Variants in TG observed in about 807,000 individuals in gnomAD.
TG encodes thyroglobulin.
Under a neutral mutation model 324.7 loss-of-function variants are expected in TG, and 270 were observed. The observed-to-expected ratio is 0.83, with a 90% confidence interval of 0.75 to 0.92. The LOEUF (loss-of-function observed/expected upper bound fraction) is 0.92, where lower values mean the gene tolerates loss of function less well. Among genes scored for constraint, TG ranks in the 40% least tolerant of loss-of-function variants. The pLI is 0.00. For synonymous variants in TG, 1,401 were observed against 1,327.0 expected (o/e 1.06, Z -1.21); for missense variants, 3,591 against 3,456.4 (o/e 1.04, Z -0.98).
At chr8:132,989,438 A>G (rs1832028797) in intron 35 of TG, among the ~76,000 whole-genome samples, 1 of 152,210 alleles carries the variant, frequency 6.6e-6, no homozygotes, top group Non-Finnish European at 1.5e-5. Context: ...GGTGCAGCAC[A>G]GGTTGCTGCT....
chr8:133,046,928 AGTGTGTTTT>A (rs1839526783), intron 41 of TG, among the ~76,000 whole-genome samples: 1 of 152,226 alleles, frequency 6.6e-6, no homozygotes, highest in South Asian at 2.1e-4. Flanking sequence ...ACTCTCAGAT[AGTGTGTTTT>A]CTCTTCTTTG....
intron 9 of TG, 108 bp downstream of exon 9, chr8:132,887,656 A>G (rs1815618037): frequency 6.9e-7 from 1 of 1,446,746 alleles, no homozygotes; most frequent in Admixed American, 1.7e-5. Flanking sequence ...CTTACACTTC[A>G]GTTAAGGACA....
At chr8:133,130,791 GC>G (rs1851883373) in intron 45 of TG, among the ~76,000 whole-genome samples, 1 of 152,180 alleles carries the variant, frequency 6.6e-6, no homozygotes, top group South Asian at 2.1e-4. Flanking sequence ...TCTTAGGGCA[GC>G]AATAGAGAAT....
At chr8:133,082,149 G>A (rs1342270533) in intron 41 of TG, among the ~76,000 whole-genome samples, 2 of 152,186 alleles carry the variant, frequency 1.3e-5, no homozygotes, top group Non-Finnish European at 2.9e-5. Flanking sequence ...TGTTGGTGGT[G>A]TTGGGTGTTG....
intron 41 of TG, among the ~76,000 whole-genome samples, chr8:133,091,271 T>G (rs1447931748): frequency 6.6e-6 from 1 of 152,228 alleles, no homozygotes; most frequent in Non-Finnish European, 1.5e-5. Flanking sequence ...AGCACCTGCT[T>G]ACTGGGCTTC....
rs1192713471 is a variant in TG, at chr8:133,029,810, C to G, written c.7037-11C>G. ...GTCACAAAGGATAAAAGGCTTTCCT[C>G]TTTTCTGAAGGGTCCGGAGAGGTGA... On this transcript the variant is annotated splice_polypyrimidine_tract_variant and intron_variant, in intron 40 of 47. Transcript: ENST00000220616. 6.2e-7 allele frequency: 1 copy of G among 1,614,060 alleles called. No homozygotes were observed. The highest frequency in any genetic ancestry group is 1.1e-5 in the South Asian group (1 of 91,088).
At chr8:133,007,909 C>T (rs1434821874) in intron 35 of TG, among the ~76,000 whole-genome samples, 1 of 151,796 alleles carries the variant, frequency 6.6e-6, no homozygotes, top group Non-Finnish European at 1.5e-5. Context: ...ACCCATACCC[C>T]ACTAAAAGGA....
chr8:133,040,178 G>T, intron 41 of TG: 1 of 1,554,688 alleles, frequency 6.4e-7, no homozygotes, highest in Non-Finnish European at 8.7e-7. Context: ...GGACGCCTCA[G>T]CCAGTGTGGG....
intron 47 of TG, 96 bp downstream of exon 47, chr8:133,133,756 C>G: frequency 7.2e-7 from 1 of 1,397,328 alleles, no homozygotes. Context: ...CGCATTGGAG[C>G]CAAGGGGTCA....
At position 132,988,446 on chromosome 8, in the gene TG, A is replaced by G. The variant is rs370730561; in HGVS notation, c.6262+5034A>G. On this transcript the variant is annotated intron_variant, in intron 35 of 47. Coordinates refer to ENST00000220616, the MANE Select transcript of TG (RefSeq NM_003235.5). ...CAGAAGAGGACCGGGGCCAAAGCGT[A>G]AAGTGCATTGGATACTGCAGATCCT... Among the ~76,000 whole-genome samples, 864 of 100,056 alleles carry G rather than the reference A, an allele frequency of 8.6e-3. 14 individuals are homozygous for G. The highest frequency in any genetic ancestry group is 0.038 in the African/African-American group (811 of 21,502). 65.6% of individuals were successfully genotyped at this position (100,056 alleles called of 152,430 possible). A position where few individuals can be genotyped will look rare whatever the true frequency, so the allele number is the denominator to read the frequency against.
intron 10 of TG, among the ~76,000 whole-genome samples, chr8:132,889,629 G>A (rs937689813): frequency 6.6e-6 from 1 of 152,120 alleles, no homozygotes; most frequent in Non-Finnish European, 1.5e-5. Context: ...TATTTTTGTG[G>A]TATTTGTAGA....
intron 41 of TG, among the ~76,000 whole-genome samples, chr8:133,083,996 T>G (rs1476630403): frequency 2.0e-5 from 3 of 152,146 alleles, no homozygotes; most frequent in African/African-American, 7.2e-5. Context: ...CCCTGATCTC[T>G]CCCACCTTCT....
chr8:133,068,641 T>C (rs1253565809), intron 41 of TG, among the ~76,000 whole-genome samples: 1 of 152,172 alleles, frequency 6.6e-6, no homozygotes, highest in African/African-American at 2.4e-5. Flanking sequence ...TCTCCGTGGC[T>C]CACCACCACA....
At chr8:133,116,851 C>A (rs888841021) in intron 45 of TG, 135 bp downstream of exon 45, 2 of 761,808 alleles carry the variant, frequency 2.6e-6, no homozygotes, top group African/African-American at 3.5e-5. Context: ...ATTGTAGTAG[C>A]CACTTCATCT....
intron 45 of TG, among the ~76,000 whole-genome samples, chr8:133,120,817 G>A (rs960099614): frequency 2.0e-5 from 3 of 152,130 alleles, no homozygotes; most frequent in Admixed American, 2.0e-4. Context: ...CCATAACACT[G>A]CCTTTCTCTA....
rs765451285 is a variant in TG, at chr8:132,882,949, A to G, written c.1025A>G (p.Gln342Arg). 3 of 1,614,152 alleles carry G rather than the reference A, an allele frequency of 1.9e-6. No homozygotes were observed. The highest frequency in any genetic ancestry group is 1.1e-5 in the South Asian group (1 of 91,072). The change falls in exon 8 of 48, where the codon CAG (glutamine) becomes CGG (arginine). Residue 342 changes from glutamine to arginine, a missense_variant. Physicochemically the swap from Gln to Arg is conservative, Grantham distance 43. Transcript: ENST00000220616. The part of the protein sequence containing the change: ...TEGPCWCVDA[Q>R]GKEMHGTRQQ... Reference sequence around the variant, plus strand: ...GGGCCCTGCTGGTGTGTGGACGCCCAGGGGAAGGAAATGCATGGAACCCGG... The same window carrying G: ...GGGCCCTGCTGGTGTGTGGACGCCCGGGGGAAGGAAATGCATGGAACCCGG...
intron 45 of TG, among the ~76,000 whole-genome samples, chr8:133,120,974 C>T (rs1250870553): frequency 6.6e-6 from 1 of 152,170 alleles, no homozygotes; most frequent in Non-Finnish European, 1.5e-5. Context: ...GTGGGTTTCT[C>T]TGTTGCTGAG....
chr8:133,116,775 C>G, intron 45 of TG, 59 bp downstream of exon 45: 2 of 1,432,390 alleles, frequency 1.4e-6, no homozygotes, highest in Non-Finnish European at 2.0e-6. Flanking sequence ...AGTCCCAGTT[C>G]GATGACATGG....
intron 28 of TG, 107 bp from the exon 29 acceptor site, chr8:132,962,887 C>T (rs1255606032): frequency 2.0e-6 from 2 of 1,005,504 alleles, no homozygotes; most frequent in East Asian, 2.4e-5. Context: ...TCTAAGTCAC[C>T]TGGCTTTAGG....
Sources: allele counts gnomAD v4.1 joint callset (sites outside exome capture counted in the v4.1 genomes callset), GRCh38; gene constraint gnomAD v4.1.1; transcripts MANE v1.5; gene names NCBI Gene and HGNC (gene_info 2026-07-23, HGNC 2026-07-21).